Variants in SMURF1 observed in about 807,000 individuals in gnomAD.
SMURF1 encodes the protein E3 ubiquitin-protein ligase SMURF1.
In SMURF1, 44 loss-of-function variants were observed where a neutral mutation model predicts 98.0. The observed-to-expected ratio is 0.45, with a 90% CI of 0.35 to 0.58. The LOEUF (loss-of-function observed/expected upper bound fraction) is 0.58. SMURF1 is among the 20% of genes least tolerant of loss of function. SMURF1 has a pLI of 0.00. For missense variants in SMURF1, 687 were observed against 938.4 expected (o/e 0.73, Z 3.50); for synonymous variants, 396 against 374.9 (o/e 1.06, Z -0.65).
chr7:99,061,850 A>G lies in SMURF1; in HGVS notation c.56-13T>C. ...TTGGCACATAACACTAAAAACAAAG[A>G]AAAATTACTCAGGTTAGCATTAAAG... On this transcript the variant is annotated splice_polypyrimidine_tract_variant and intron_variant, in intron 1 of 17. Coordinates refer to ENST00000361368, the MANE Select transcript of SMURF1 (RefSeq NM_181349.3). 1.3e-6 allele frequency: 2 copies of G among 1,597,894 alleles called. No individual in the cohort carries two copies. Among genetic ancestry groups the G allele is most frequent in the South Asian group, 2.3e-5 (2 of 87,224 alleles).
chr7:99,045,549 G>A (rs1039398922), intron 11 of SMURF1, 149 bp downstream of exon 11: 2 of 623,006 alleles, frequency 3.2e-6, no homozygotes, highest in Non-Finnish European at 5.7e-6. Flanking sequence ...CAGGGTGGCT[G>A]AAGCCAGTGC....
Position 99,052,267 on chromosome 7 carries a change from G to A in SMURF1, c.659C>T (p.Ser220Leu), listed in dbSNP as rs1188228671. Residue 220 changes from serine to leucine, a missense_variant, in exon 7 of 18, where the codon TCA (serine) becomes TTA (leucine). Coordinates refer to ENST00000361368, the MANE Select transcript of SMURF1 (RefSeq NM_181349.3). ...TGGTCGGTTCTGGGGCGTCTGTAGTGAACCTCGCACATCAGGGTTTCGAAG... is the reference window on the plus strand; with the variant it reads ...TGGTCGGTTCTGGGGCGTCTGTAGTAAACCTCGCACATCAGGGTTTCGAAG... ...QRLRNPDVRGSLQTPQNRPHG... is the reference protein window; with the variant it reads ...QRLRNPDVRGLLQTPQNRPHG... 1 of 1,610,962 alleles carries A rather than the reference G, an allele frequency of 6.2e-7. No homozygotes were observed. Among genetic ancestry groups the A allele is most frequent in the African/African-American group, 1.3e-5 (1 of 74,922 alleles).
chr7:99,041,482 G>A (rs1275276044), intron 12 of SMURF1, among the ~76,000 whole-genome samples: 1 of 152,184 alleles, frequency 6.6e-6, no homozygotes, highest in African/African-American at 2.4e-5. Flanking sequence ...TTTCAGGTTT[G>A]AATTATGTTC....
At chr7:99,106,729 T>G (rs973837791) in intron 1 of SMURF1, among the ~76,000 whole-genome samples, 1 of 152,128 alleles carries the variant, frequency 6.6e-6, no homozygotes, top group Non-Finnish European at 1.5e-5. Context: ...CTGGGCAATA[T>G]AGCGAGACCT....
chr7:99,143,254 G>A (rs114540985), intron 1 of SMURF1, among the ~76,000 whole-genome samples: 4,651 of 138,410 alleles, frequency 0.034, 413 homozygotes, highest in African/African-American at 0.13. Context: ...TGAAAGGCAA[G>A]GGGGCGGGGC....
At chr7:99,089,278 A>T (rs6465734) in intron 1 of SMURF1, among the ~76,000 whole-genome samples, 151,371 of 152,176 alleles carry the variant, frequency 0.99, 75,296 homozygotes, top group Non-Finnish European at 1. Context: ...TGTCAATTGC[A>T]TGCATGCCTT....
intron 1 of SMURF1, among the ~76,000 whole-genome samples, chr7:99,085,848 T>A (rs1186640252): frequency 6.6e-6 from 1 of 152,226 alleles, no homozygotes; most frequent in Non-Finnish European, 1.5e-5. Context: ...AATCATATAG[T>A]ATATATCCTT....
intron 1 of SMURF1, among the ~76,000 whole-genome samples, chr7:99,111,345 T>A (rs1797319552): frequency 6.6e-6 from 1 of 152,224 alleles, no homozygotes; most frequent in African/African-American, 2.4e-5. Context: ...CTAAGTAGTG[T>A]TGATGATGGT....
chr7:99,063,281 A>ATATAAGATT (rs1796104774), intron 1 of SMURF1, among the ~76,000 whole-genome samples: 1 of 18,766 alleles, frequency 5.3e-5, no homozygotes, highest in Non-Finnish European at 1.5e-4. Context: ...ATATATATAT[A>ATATAAGATT]TATATATATA....
Position 99,100,508 on chromosome 7 carries a change from C to T in SMURF1, c.56-38671G>A, listed in dbSNP as rs143623839. ...GACAGAGGTTGCAGCGAGCCAAGATCGCACCACTTCATTCCAGCCTGGGCA... is the reference window on the plus strand; with the variant it reads ...GACAGAGGTTGCAGCGAGCCAAGATTGCACCACTTCATTCCAGCCTGGGCA... On this transcript the variant is annotated intron_variant, in intron 1 of 17. Transcript: ENST00000361368. 2.8e-3 allele frequency among the ~76,000 whole-genome samples: 431 copies of T among 152,244 alleles called. 6 individuals are homozygous for T. Among genetic ancestry groups the T allele is most frequent in the African/African-American group, 0.01 (418 of 41,538 alleles).
chr7:99,093,511 A>T (rs574254993), intron 1 of SMURF1, among the ~76,000 whole-genome samples: 1 of 86,460 alleles, frequency 1.2e-5, no homozygotes. Context: ...CAAAGCAACC[A>T]CTCTATAATG....
At position 99,052,284 on chromosome 7, in the gene SMURF1, G is replaced by T. The variant is rs1795774790; in HGVS notation, c.642C>A (p.Asn214Lys). 6.2e-7 allele frequency: 1 copy of T among 1,612,258 alleles called. No individual in the cohort carries two copies. Among genetic ancestry groups the T allele is most frequent in the East Asian group, 2.2e-5 (1 of 44,822 alleles). ...DQRLQAQRLR[N>K]PDVRGSLQTP... ...TCTGTAGTGAACCTCGCACATCAGG[G>T]TTTCGAAGCCGCTGTGCCTGAAGTC... The change falls in exon 7 of 18, where the codon AAC becomes AAA. Residue 214 changes from asparagine to lysine, a missense_variant. Physicochemically the swap from Asn to Lys is moderately conservative, Grantham distance 94. This residue lies in a region of SMURF1 where 415 missense variants were observed against 508.4 expected (regional missense o/e 0.82). Coordinates refer to ENST00000361368, the MANE Select transcript of SMURF1 (RefSeq NM_181349.3).
chr7:99,116,838 G>T (rs1321613172), intron 1 of SMURF1, among the ~76,000 whole-genome samples: 3 of 152,106 alleles, frequency 2.0e-5, no homozygotes, highest in Non-Finnish European at 4.4e-5. Context: ...TATAGAAATG[G>T]ATATGCTCAT....
At chr7:99,108,765 T>A (rs559459938) in intron 1 of SMURF1, among the ~76,000 whole-genome samples, 1 of 152,222 alleles carries the variant, frequency 6.6e-6, no homozygotes, top group South Asian at 2.1e-4. Flanking sequence ...ATATGCACAC[T>A]TTAAATCAAG....
chr7:99,076,956 A>G (rs756752994), intron 1 of SMURF1, among the ~76,000 whole-genome samples: 7 of 152,124 alleles, frequency 4.6e-5, no homozygotes, highest in African/African-American at 9.7e-5. Flanking sequence ...CAATAATTCC[A>G]TAAGTCCAAA....
chr7:99,066,976 CA>C (rs1376530918), intron 1 of SMURF1, among the ~76,000 whole-genome samples: 1 of 147,242 alleles, frequency 6.8e-6, no homozygotes, highest in Non-Finnish European at 1.5e-5. Context: ...CATAAAATCT[CA>C]TTGTATTTGG....
In SMURF1 at chr7:99,127,436, A is replaced by C. The variant is rs377675380; in HGVS notation, c.55+16290T>G. Reference sequence around the variant, plus strand: ...GCCGGGCCTGGTGGCTCACGGCTGTAATCCTAGCAGTTTGGAAGGCCGAGA... The same window carrying C: ...GCCGGGCCTGGTGGCTCACGGCTGTCATCCTAGCAGTTTGGAAGGCCGAGA... On this transcript the variant is annotated intron_variant, in intron 1 of 17. Transcript: ENST00000361368. 2.0e-5 allele frequency among the ~76,000 whole-genome samples: 3 copies of C among 152,296 alleles called. No individual in the cohort carries two copies. In the South Asian group the frequency reaches 6.2e-4, roughly 32 times the overall value.
Position 99,028,364 on chromosome 7 carries a change from ACT to A in SMURF1, c.*2218_*2219del, listed in dbSNP as rs995092726. The A allele has an allele frequency of 6.6e-6, 1 of 152,258 alleles. No individual in the cohort carries two copies. The highest frequency in any genetic ancestry group is 2.4e-5 in the African/African-American group (1 of 41,414). 9.4% of individuals were successfully genotyped at this position (152,258 alleles called of 1,614,324 possible). A position where few individuals can be genotyped will look rare whatever the true frequency, so the allele number is the denominator to read the frequency against. On this transcript the variant is annotated 3_prime_UTR_variant, in exon 18 of 18. Coordinates refer to ENST00000361368, the MANE Select transcript of SMURF1 (RefSeq NM_181349.3). ...CCGGAGCTCTGGAAAGGTCTGCGAC[ACT>A]CACACAACCGATGACAAGGCGGCAA...
chr7:99,037,454 G>C (rs886722747), intron 14 of SMURF1, among the ~76,000 whole-genome samples: 2 of 152,166 alleles, frequency 1.3e-5, no homozygotes, highest in Non-Finnish European at 2.9e-5. Context: ...GCCATGGCTG[G>C]TCTCGAGCTC....
Sources: allele counts gnomAD v4.1 joint callset (sites outside exome capture counted in the v4.1 genomes callset), GRCh38; gene constraint gnomAD v4.1.1; regional missense constraint gnomAD v4.1.1; transcripts MANE v1.5; gene names NCBI Gene and HGNC (gene_info 2026-07-23, HGNC 2026-07-21).